SLC25A43: variants seen among roughly 807,000 people sequenced by gnomAD.
SLC25A43 encodes solute carrier family 25, member 43.
SLC25A43 carries 10 observed loss-of-function variants against 22.8 expected under a neutral mutation model. The observed-to-expected ratio is 0.44, with a 90% CI of 0.27 to 0.74. The LOEUF is 0.74. Among genes scored for constraint, SLC25A43 ranks in the 30% least tolerant of loss-of-function variants. The pLI, the probability that SLC25A43 is intolerant of heterozygous loss-of-function variation, is 0.17. For missense variants in SLC25A43, 233 were observed against 279.1 expected (o/e 0.83, Z 1.18); for synonymous variants, 106 against 121.6 (o/e 0.87, Z 0.84).
At chrX:119,432,369 T>TG (rs1435108805) in intron 3 of SLC25A43, among the ~76,000 whole-genome samples, 1 of 111,697 alleles carries the variant, frequency 9.0e-6, no homozygotes, top group Admixed American at 9.5e-5. Context: ...TGATGTCTCG[T>TG]GGGGGTAGAG....
chrX:119,448,665 A>G (rs1427990942), intron 3 of SLC25A43, among the ~76,000 whole-genome samples: 1 of 111,175 alleles, frequency 9.0e-6, no homozygotes, highest in Non-Finnish European at 1.9e-5. Context: ...TGATTACCCT[A>G]ATAAAAACTT....
chrX:119,414,372 T>G (rs977432668), intron 3 of SLC25A43, among the ~76,000 whole-genome samples: 4 of 111,912 alleles, frequency 3.6e-5, no homozygotes, highest in African/African-American at 1.3e-4. Context: ...GCTGTTTATG[T>G]GTTGGTGGTG....
intron 1 of SLC25A43, among the ~76,000 whole-genome samples, chrX:119,405,981 G>A (rs1054748547): frequency 1.8e-5 from 2 of 111,227 alleles, no homozygotes; most frequent in African/African-American, 6.5e-5. Context: ...GAAGTGAGCC[G>A]AGATCGTGCC....
At chrX:119,418,749 G>T in intron 3 of SLC25A43, among the ~76,000 whole-genome samples, 1 of 112,018 alleles carries the variant, frequency 8.9e-6, no homozygotes, top group Middle Eastern at 4.6e-3. Flanking sequence ...AATGGCTTCT[G>T]GTGGGAAGGG....
chrX:119,449,153 C>T (rs756858027), intron 3 of SLC25A43, among the ~76,000 whole-genome samples: 2 of 110,624 alleles, frequency 1.8e-5, no homozygotes. Flanking sequence ...GTGGCTCATA[C>T]CTGTAATCTC....
intron 1 of SLC25A43, among the ~76,000 whole-genome samples, chrX:119,400,725 C>G (rs999211272): frequency 8.9e-6 from 1 of 112,431 alleles, no homozygotes; most frequent in Non-Finnish European, 1.9e-5. Flanking sequence ...TCCTTATTAC[C>G]TAGGCCTCTA....
intron 1 of SLC25A43, among the ~76,000 whole-genome samples, chrX:119,405,595 CAAAA>C (rs56389948): frequency 2.5e-3 from 128 of 51,145 alleles, no homozygotes; most frequent in South Asian, 0.014. Context: ...CCTATCTCTA[CAAAA>C]AAAAAAAAAA....
chrX:119,435,018 T>TA (rs2147287023), intron 3 of SLC25A43, among the ~76,000 whole-genome samples: 1 of 110,484 alleles, frequency 9.1e-6, no homozygotes, highest in South Asian at 3.9e-4. Flanking sequence ...TTTGTATTTT[T>TA]AGTAGAAATG....
intron 3 of SLC25A43, among the ~76,000 whole-genome samples, chrX:119,450,656 C>T (rs894106065): frequency 2.7e-5 from 3 of 111,650 alleles, no homozygotes; most frequent in African/African-American, 9.8e-5. Context: ...TCTCCCACAT[C>T]GATAATCTTG....
At chrX:119,425,384 A>G (rs1323265111) in intron 3 of SLC25A43, among the ~76,000 whole-genome samples, 1 of 111,836 alleles carries the variant, frequency 8.9e-6, no homozygotes, top group Non-Finnish European at 1.9e-5. Context: ...GCCTACTTCA[A>G]TATTTCCCGG....
Position 119,413,217 on chromosome X carries a change from T to C in SLC25A43, c.690+2855T>C, listed in dbSNP as rs769599118. Among the ~76,000 whole-genome samples, 54 of 111,305 alleles carry C rather than the reference T, an allele frequency of 4.9e-4. 1 individual carries two copies. Among genetic ancestry groups the C allele is most frequent in the Non-Finnish European group, 7.0e-4 (37 of 53,079 alleles). The stretch of plus-strand genomic sequence containing the variant: ...ATGAAAAAAAAGTAATACACATAAG[T>C]TGTAGAAAATTTGGGACATACAGAA... On this transcript the variant is annotated intron_variant, in intron 3 of 4. Coordinates refer to ENST00000217909, the MANE Select transcript of SLC25A43 (RefSeq NM_145305.3).
rs1372814365 is a variant in SLC25A43 at position 119,406,625 on chromosome X, C to T, written c.441C>T (p.Leu147=). 8.3e-7 allele frequency: 1 copy of T among 1,211,929 alleles called. No individual in the cohort carries two copies. Among genetic ancestry groups the T allele is most frequent in the South Asian group, 1.8e-5 (1 of 56,985 alleles). Residue 147 remains leucine (L), a synonymous_variant, in exon 2 of 5, where the codon CTC becomes CTT. Coordinates refer to ENST00000217909, the MANE Select transcript of SLC25A43 (RefSeq NM_145305.3). ...QNILEPSYRG[L]LHAFSTIYQQ... ...TACTGGAACCATCGTACAGGGGGCT[C>T]CTCCATGCTTTTTCTACTATTTACC...
chrX:119,448,047 C>G (rs946636285), intron 3 of SLC25A43, among the ~76,000 whole-genome samples: 2 of 111,691 alleles, frequency 1.8e-5, no homozygotes, highest in Admixed American at 1.9e-4. Context: ...CTGCTTCTCC[C>G]ATAGCGTCCT....
intron 3 of SLC25A43, among the ~76,000 whole-genome samples, chrX:119,420,341 A>C (rs1385983731): frequency 9.9e-6 from 1 of 100,621 alleles, no homozygotes; most frequent in African/African-American, 3.7e-5. Flanking sequence ...TCTCTCTCCC[A>C]GGCTGGAGTG....
At chrX:119,450,556 C>T (rs2052698338) in intron 3 of SLC25A43, among the ~76,000 whole-genome samples, 1 of 111,179 alleles carries the variant, frequency 9.0e-6, no homozygotes, top group Admixed American at 9.6e-5. Flanking sequence ...TGCCTAGGGT[C>T]ACAGGGCCAA....
Position 119,451,272 on chromosome X carries a change from G to A in SLC25A43, c.691-737G>A, listed in dbSNP as rs183166415. The stretch of plus-strand genomic sequence containing the variant: ...CTCTGAAGGTGGTGATGATGTCCAC[G>A]GGGTGGCCAAAATGGTATAAAGGTG... On this transcript the variant is annotated intron_variant, in intron 3 of 4. Transcript: ENST00000217909. 4.6e-3 allele frequency among the ~76,000 whole-genome samples: 518 copies of A among 111,920 alleles called. 1 individual carries two copies. The highest frequency in any genetic ancestry group is 7.8e-3 in the Non-Finnish European group (417 of 53,201).
intron 3 of SLC25A43, among the ~76,000 whole-genome samples, chrX:119,421,623 C>A (rs773546441): frequency 5.3e-4 from 59 of 112,001 alleles, no homozygotes; most frequent in South Asian, 3.7e-3. Flanking sequence ...TCAGTGATGG[C>A]TGTCTTTTCT....
intron 1 of SLC25A43, among the ~76,000 whole-genome samples, chrX:119,400,771 G>A (rs1363675273): frequency 8.9e-6 from 1 of 112,083 alleles, no homozygotes; most frequent in African/African-American, 3.2e-5. Context: ...TGGAAATAGA[G>A]TTCCCTTCTC....
chrX:119,427,100 C>G (rs1358495700), intron 3 of SLC25A43, among the ~76,000 whole-genome samples: 1 of 110,707 alleles, frequency 9.0e-6, no homozygotes, highest in African/African-American at 3.3e-5. Context: ...CCCACCCTAT[C>G]TCACCCCCAG....
Sources: gnomAD v4.1 joint callset for allele counts (sites outside exome capture counted in the v4.1 genomes callset) on GRCh38, gnomAD v4.1.1 for gene constraint, MANE v1.5 for transcripts, NCBI Gene and HGNC (gene_info 2026-07-23, HGNC 2026-07-21) for gene names.